The following WDPCP variants were observed in gnomAD, a reference collection of about 807,000 sequenced individuals.
The protein encoded by WDPCP is WD repeat-containing and planar cell polarity effector protein fritz homolog.
WDPCP carries 71 observed loss-of-function variants against 93.1 expected under a neutral mutation model. The observed-to-expected ratio is 0.76, with a 90% CI of 0.63 to 0.93. The LOEUF (loss-of-function observed/expected upper bound fraction) is 0.93. Ranked by LOEUF, WDPCP falls within the 40% of genes least tolerant of loss-of-function variation. The pLI, the probability that WDPCP is intolerant of heterozygous loss-of-function variation, is 0.00. For synonymous variants in WDPCP, 315 were observed against 315.0 expected (o/e 1.00, Z 0.00); for missense variants, 844 against 887.4 (o/e 0.95, Z 0.62).
chr2:63,503,763 C>T (rs1235830815), intron 1 of WDPCP, among the ~76,000 whole-genome samples: 5 of 151,962 alleles, frequency 3.3e-5, no homozygotes, highest in African/African-American at 1.2e-4. Context: ...TCAGGAATAA[C>T]TCCTAAATAG....
At chr2:63,348,199 T>C (rs1047771108) in intron 12 of WDPCP, among the ~76,000 whole-genome samples, 5 of 152,182 alleles carry the variant, frequency 3.3e-5, no homozygotes, top group Non-Finnish European at 5.9e-5. Context: ...GAAATAATAG[T>C]AATAGCTTAA....
At chr2:63,751,384 T>C (rs191142897) in intron 2 of WDPCP, among the ~76,000 whole-genome samples, 5 of 152,318 alleles carry the variant, frequency 3.3e-5, no homozygotes, top group African/African-American at 7.2e-5. Context: ...GATCAGACTA[T>C]ATTACATTTA....
intron 2 of WDPCP, among the ~76,000 whole-genome samples, chr2:63,688,031 GCAA>G (rs1668835442): frequency 2.0e-5 from 3 of 152,178 alleles, no homozygotes; most frequent in African/African-American, 7.2e-5. Flanking sequence ...CCTGTCATTT[GCAA>G]CAACATGGAT....
chr2:63,281,905 T>G (rs1683583586), intron 13 of WDPCP, among the ~76,000 whole-genome samples: 1 of 151,844 alleles, frequency 6.6e-6, no homozygotes, highest in South Asian at 2.1e-4. Flanking sequence ...TGCACCAAAA[T>G]CTCAGAAATC....
chr2:63,604,639 C>A, intron 3 of WDPCP: 5 of 1,390,942 alleles, frequency 3.6e-6, no homozygotes, highest in Non-Finnish European at 4.0e-6. Context: ...AAAACAGGTC[C>A]CAATTGGAAA....
chr2:63,693,456 TA>T (rs1475778169), intron 2 of WDPCP, among the ~76,000 whole-genome samples: 8 of 146,792 alleles, frequency 5.4e-5, no homozygotes, highest in Non-Finnish European at 1.2e-4. Context: ...GATAGATAGA[TA>T]GATAGATAGA....
chr2:63,646,676 ACTATT>A (rs1482533178), intron 3 of WDPCP, among the ~76,000 whole-genome samples: 2 of 152,182 alleles, frequency 1.3e-5, no homozygotes, highest in Non-Finnish European at 1.5e-5. Flanking sequence ...CACCAGATAT[ACTATT>A]CTAAAGTAAA....
chr2:63,408,834 G>C (rs953172363), intron 9 of WDPCP, among the ~76,000 whole-genome samples: 4 of 151,986 alleles, frequency 2.6e-5, no homozygotes, highest in Admixed American at 6.5e-5. Flanking sequence ...AATCCTCCTA[G>C]GTACACAAAT....
chr2:63,666,851 A>G (rs1398674402), intron 2 of WDPCP, among the ~76,000 whole-genome samples: 1 of 152,176 alleles, frequency 6.6e-6, no homozygotes, highest in African/African-American at 2.4e-5. Context: ...ATTGCTGGAG[A>G]ATCAAGGAAA....
At chr2:63,502,064 A>AC (rs934522269) in intron 1 of WDPCP, among the ~76,000 whole-genome samples, 2 of 152,262 alleles carry the variant, frequency 1.3e-5, no homozygotes, top group African/African-American at 4.8e-5. Flanking sequence ...AAGCCATTGC[A>AC]CAGTGTGGCA....
chr2:63,773,963 ATAATGG>A (rs1476565237), intron 2 of WDPCP, among the ~76,000 whole-genome samples: 3 of 152,148 alleles, frequency 2.0e-5, no homozygotes, highest in African/African-American at 7.2e-5. Flanking sequence ...TTGTGAGGAA[ATAATGG>A]TATGGAGACT....
intron 12 of WDPCP, among the ~76,000 whole-genome samples, chr2:63,365,323 C>A (rs1268076249): frequency 6.6e-6 from 1 of 152,060 alleles, no homozygotes; most frequent in Non-Finnish European, 1.5e-5. Flanking sequence ...TGTATGTAAC[C>A]CCAAAGAATG....
At chr2:63,131,991 T>G (rs1371572279) in intron 17 of WDPCP, among the ~76,000 whole-genome samples, 1 of 151,856 alleles carries the variant, frequency 6.6e-6, no homozygotes, top group Non-Finnish European at 1.5e-5. Flanking sequence ...TGTGCCACCA[T>G]GCCTGGCTAA....
intron 13 of WDPCP, among the ~76,000 whole-genome samples, chr2:63,310,105 A>C (rs918986842): frequency 6.6e-6 from 1 of 152,216 alleles, no homozygotes; most frequent in African/African-American, 2.4e-5. Context: ...TAAAATATAT[A>C]CTAGAACTGT....
rs1158672664 is a variant in WDPCP at position 63,404,580 on chromosome 2, T to A, written c.903A>T (p.Thr301=). ...FGTKQPYQVF[T]VEHSVSVDKE... ...TGTCTACACTTACGGAGTGCTCCAC[T>A]GTGAACACCTGATAAGGCTGTTTGG... The change falls in exon 10 of 18, where the codon ACA becomes ACT. Residue 301 remains threonine (T), a synonymous_variant. Transcript: ENST00000272321. 3.7e-6 allele frequency: 6 copies of A among 1,614,068 alleles called. No homozygotes were observed. The highest frequency in any genetic ancestry group is 5.1e-6 in the Non-Finnish European group (6 of 1,179,980).
rs1248385156 is a variant in WDPCP at position 63,386,530 on chromosome 2, A to G, written c.1436-4436T>C. Among the ~76,000 whole-genome samples the G allele has an allele frequency of 6.6e-5, 10 of 152,198 alleles. No individual in the cohort carries two copies. The East Asian group carries it at 1.9e-3, about 29-fold the overall frequency. On this transcript the variant is annotated intron_variant, in intron 10 of 17. Transcript: ENST00000272321. ...CACTTACTAGAATGGCTAAAATTAA[A>G]ATGACCATTAATTTCAAGTGTTAGA... is the stretch of plus-strand genomic sequence containing the variant.
intron 2 of WDPCP, among the ~76,000 whole-genome samples, chr2:63,810,398 A>T (rs1054006558): frequency 3.3e-5 from 5 of 152,270 alleles, no homozygotes; most frequent in Admixed American, 6.5e-5. Context: ...TATAGGTACT[A>T]GTATCAGTTC....
At chr2:63,286,119 C>T (rs563595917) in intron 13 of WDPCP, among the ~76,000 whole-genome samples, 1 of 152,220 alleles carries the variant, frequency 6.6e-6, no homozygotes, top group African/African-American at 2.4e-5. Context: ...AATCCTCCCA[C>T]CTCAGCCACC....
rs867348574 is a variant in WDPCP, at chr2:63,373,608, A to T, written c.1748+4778T>A. Among the ~76,000 whole-genome samples, 51 of 151,900 alleles carry T rather than the reference A, an allele frequency of 3.4e-4. No individual in the cohort carries two copies. The Middle Eastern group carries it at 0.01, about 31-fold the overall frequency. On this transcript the variant is annotated intron_variant, in intron 12 of 17. Transcript: ENST00000272321. ...AAAAAAAAAAAAAACTGAGGAAAAA[A>T]ATCTGTTTTACATTAACAATGATTA...
Sources: gnomAD v4.1 joint callset for allele counts (sites outside exome capture counted in the v4.1 genomes callset) on GRCh38, gnomAD v4.1.1 for gene constraint, MANE v1.5 for transcripts, NCBI Gene and HGNC (gene_info 2026-07-23, HGNC 2026-07-21) for gene names.